The following DNAAF10 variants were observed in gnomAD, a reference collection of about 807,000 sequenced individuals.
DNAAF10 encodes the protein dynein axonemal assembly factor 10.
In DNAAF10, 28 loss-of-function variants were observed where a neutral mutation model predicts 43.7. That is an observed-to-expected ratio of 0.64 (90% CI 0.48 to 0.88). DNAAF10 has a LOEUF of 0.88. Among genes scored for constraint, DNAAF10 ranks in the 40% least tolerant of loss-of-function variants. DNAAF10 has a pLI of 0.00. For missense variants in DNAAF10, 403 were observed against 439.1 expected, an observed-to-expected ratio of 0.92 and a Z score of 0.73; for synonymous variants, 156 against 157.3, an observed-to-expected ratio of 0.99 and a Z score of 0.06.
intron 7 of DNAAF10, among the ~76,000 whole-genome samples, chr2:68,132,260 A>C (rs1672943887): frequency 1.3e-5 from 2 of 152,246 alleles, no homozygotes; most frequent in South Asian, 4.1e-4. Context: ...TATTTCATAC[A>C]TGCTGGCAAA....
intron 1 of DNAAF10, among the ~76,000 whole-genome samples, chr2:68,155,572 T>C (rs995807575): frequency 3.9e-5 from 6 of 152,058 alleles, no homozygotes; most frequent in African/African-American, 1.4e-4. Flanking sequence ...GGCTCACACC[T>C]GATCCAGCAC....
intron 4 of DNAAF10, among the ~76,000 whole-genome samples, chr2:68,140,508 C>T (rs1331601224): frequency 6.6e-6 from 1 of 152,180 alleles, no homozygotes; most frequent in African/African-American, 2.4e-5. Context: ...ATATTATCTT[C>T]TGAATCATCC....
Position 68,137,378 on chromosome 2 carries a change from G to C in DNAAF10, c.689C>G (p.Thr230Arg), listed in dbSNP as rs1313697416. The C allele has an allele frequency of 1.2e-6, 2 of 1,613,682 alleles. No homozygotes were observed. Among genetic ancestry groups the C allele is most frequent in the Non-Finnish European group, 1.7e-6 (2 of 1,179,818 alleles). ...AACATGGAACTTTCCTTCCAGAGAT[G>C]TGGCTACTAACTTATTCATACTTAT... is the stretch of plus-strand genomic sequence containing the variant. ...KDISMNKLVA[T>R]SLEGKFHVFD... The change falls in exon 6 of 8, where the codon ACA (threonine) becomes AGA (arginine). Residue 230 changes from threonine (T) to arginine (R), a missense_variant. By Grantham distance (71) the Thr-to-Arg change is moderately conservative. Coordinates refer to ENST00000295121, the MANE Select transcript of DNAAF10 (RefSeq NM_138458.4).
chr2:68,144,543 A>C (rs755799493), intron 3 of DNAAF10, 42 bp downstream of exon 3: 11 of 1,603,000 alleles, frequency 6.9e-6, no homozygotes, highest in Non-Finnish European at 8.5e-6. Flanking sequence ...AGAGATTTCC[A>C]TTAAAATAAA....
At chr2:68,137,583 T>G in intron 5 of DNAAF10, 150 bp from the exon 6 acceptor site, 36 of 779,230 alleles carry the variant, frequency 4.6e-5, no homozygotes, top group Middle Eastern at 4.3e-4. Flanking sequence ...AAAAATTTTT[T>G]TCCAGCCAGG....
chr2:68,145,965 T>A (rs966423103), intron 2 of DNAAF10, among the ~76,000 whole-genome samples: 39 of 152,166 alleles, frequency 2.6e-4, no homozygotes, highest in African/African-American at 8.4e-4. Flanking sequence ...AAAACCTTAC[T>A]AATAAAAAAT....
intron 1 of DNAAF10, chr2:68,156,885 T>A: frequency 3.9e-6 from 1 of 259,106 alleles, no homozygotes; most frequent in South Asian, 6.1e-5. Flanking sequence ...ACTGAGTATC[T>A]CTCCCACTAG....
At chr2:68,136,418 A>G (rs578231175) in intron 6 of DNAAF10, among the ~76,000 whole-genome samples, 1 of 152,166 alleles carries the variant, frequency 6.6e-6, no homozygotes, top group Non-Finnish European at 1.5e-5. Context: ...TCTTGTTAAG[A>G]ATTTGGTTTT....
chr2:68,135,428 A>C (rs1304640278), intron 6 of DNAAF10, among the ~76,000 whole-genome samples: 3 of 152,220 alleles, frequency 2.0e-5, no homozygotes, highest in African/African-American at 7.2e-5. Flanking sequence ...CATTCACATT[A>C]GACTAAAAGA....
At chr2:68,147,437 T>C in intron 2 of DNAAF10, 30 bp downstream of exon 2, 14 of 1,527,280 alleles carry the variant, frequency 9.2e-6, no homozygotes, top group Non-Finnish European at 1.3e-5. Context: ...GCCTATCTCA[T>C]CTGTCTGAAT....
intron 1 of DNAAF10, among the ~76,000 whole-genome samples, chr2:68,154,450 GTT>G (rs1491388529): frequency 6.6e-6 from 1 of 151,908 alleles, no homozygotes; most frequent in Non-Finnish European, 1.5e-5. Context: ...GTTTCACCGT[GTT>G]AGCCAGGATG....
chr2:68,138,203 A>C (rs920079842), intron 5 of DNAAF10, among the ~76,000 whole-genome samples: 37 of 150,270 alleles, frequency 2.5e-4, no homozygotes, highest in African/African-American at 9.3e-4. Flanking sequence ...AACAAACAAA[A>C]AACCCATTTT....
At chr2:68,152,017 A>G (rs981746917) in intron 1 of DNAAF10, among the ~76,000 whole-genome samples, 2 of 152,228 alleles carry the variant, frequency 1.3e-5, no homozygotes, top group African/African-American at 4.8e-5. Flanking sequence ...AATCAATTAA[A>G]TAAACATTTT....
rs144372584 is a variant in DNAAF10 at position 68,133,184 on chromosome 2, T to C, written c.866+1518A>G. 5.0e-3 allele frequency among the ~76,000 whole-genome samples: 756 copies of C among 152,230 alleles called. 6 individuals are homozygous for C. Among genetic ancestry groups the C allele is most frequent in the African/African-American group, 0.017 (721 of 41,552 alleles). ...CACATTCTCCCAGAACGACTCAAAC[T>C]TTTCCTCTGCTTTTCACTCAGAAAC... On this transcript the variant is annotated intron_variant, in intron 7 of 7. Coordinates refer to ENST00000295121, the MANE Select transcript of DNAAF10 (RefSeq NM_138458.4).
chr2:68,132,319 G>A (rs1393339075), intron 7 of DNAAF10, among the ~76,000 whole-genome samples: 1 of 152,108 alleles, frequency 6.6e-6, no homozygotes, highest in Non-Finnish European at 1.5e-5. Context: ...GAATGGAAAG[G>A]GAAGAAGAAT....
Position 68,137,189 on chromosome 2 carries a change from T to C in DNAAF10, c.768+110A>G, listed in dbSNP as rs144172434. On this transcript the variant is annotated intron_variant, in intron 6 of 7. Transcript: ENST00000295121. Reference sequence around the variant, plus strand: ...AGATCTCACAGGAATATATCAAAAATAGCTCCCTTCACATAAAGACCTGGA... The same window carrying C: ...AGATCTCACAGGAATATATCAAAAACAGCTCCCTTCACATAAAGACCTGGA... 8.2e-4 allele frequency: 1,038 copies of C among 1,258,534 alleles called. 10 individuals are homozygous for C. In the African/African-American group the frequency reaches 0.014, roughly 17 times the overall value. 78.0% of individuals were successfully genotyped at this position (1,258,534 alleles called of 1,614,324 possible). A position where few individuals can be genotyped will look rare whatever the true frequency, so the allele number is the denominator to read the frequency against.
At chr2:68,147,943 G>A (rs1199689051) in intron 1 of DNAAF10, among the ~76,000 whole-genome samples, 5 of 152,146 alleles carry the variant, frequency 3.3e-5, no homozygotes, top group Admixed American at 2.6e-4. Flanking sequence ...GAACAAAAAT[G>A]TTATGTGTCT....
chr2:68,131,102 T>C lies in DNAAF10; in HGVS notation c.*136A>G. On this transcript the variant is annotated 3_prime_UTR_variant, in exon 8 of 8. Transcript: ENST00000295121. ...AGCAAATTTTTTTTTATATTTTTAGTAGAGACGGGGTTTCACCATGTTAGC... is the reference window on the plus strand; with the variant it reads ...AGCAAATTTTTTTTTATATTTTTAGCAGAGACGGGGTTTCACCATGTTAGC... The C allele has an allele frequency of 1.3e-6, 1 of 790,178 alleles. No individual in the cohort carries two copies. Among genetic ancestry groups the C allele is most frequent in the Non-Finnish European group, 2.0e-6 (1 of 505,974 alleles). 48.9% of individuals were successfully genotyped at this position (790,178 alleles called of 1,614,324 possible). A position where few individuals can be genotyped will look rare whatever the true frequency, so the allele number is the denominator to read the frequency against.
At position 68,130,452 on chromosome 2, in the gene DNAAF10, A is replaced by G. The variant is rs1371825307; in HGVS notation, c.*786T>C. The stretch of plus-strand genomic sequence containing the variant: ...GCCCACCATTTTGATATTTTATACA[A>G]TAATATTATGTCCAGAAAATTACTC... On this transcript the variant is annotated 3_prime_UTR_variant, in exon 8 of 8. Transcript: ENST00000295121. 1 of 152,100 alleles carries G rather than the reference A, an allele frequency of 6.6e-6. No homozygotes were observed. The highest frequency in any genetic ancestry group is 1.5e-5 in the Non-Finnish European group (1 of 68,016). 9.4% of individuals were successfully genotyped at this position (152,100 alleles called of 1,614,324 possible). A position where few individuals can be genotyped will look rare whatever the true frequency, so the allele number is the denominator to read the frequency against.
Sources: allele counts gnomAD v4.1 joint callset (sites outside exome capture counted in the v4.1 genomes callset), GRCh38; gene constraint gnomAD v4.1.1; transcripts MANE v1.5; gene names NCBI Gene and HGNC (gene_info 2026-07-23, HGNC 2026-07-21).